SSBP2: variants seen among roughly 807,000 people sequenced by gnomAD.
SSBP2 encodes single stranded DNA binding protein 2, also known as single-stranded DNA-binding protein 2.
In SSBP2, 17 loss-of-function variants were observed where a neutral mutation model predicts 61.8. The ratio of observed to expected loss-of-function variants is 0.28; its 90% CI spans 0.19 to 0.41. SSBP2 has a LOEUF of 0.41. SSBP2 is among the 10% of genes least tolerant of loss of function. The probability of loss-of-function intolerance (pLI) is 1.00; values close to 1 mark genes in which losing one functional copy is unlikely to be tolerated. For synonymous variants in SSBP2, 139 were observed against 141.3 expected (o/e 0.98, Z 0.12); for missense variants, 310 against 458.7 (o/e 0.68, Z 2.96).
At position 81,413,280 on chromosome 5, in the gene SSBP2, T is replaced by C. The variant is rs1236523207; in HGVS notation, c.*7224A>G. On this transcript the variant is annotated 3_prime_UTR_variant, in exon 17 of 17. Transcript: ENST00000320672. ...ATCCATTTGAGAATAAATGCAGTAA[T>C]GTGCACATGCACGCACACACACATA... 1.3e-5 allele frequency: 2 copies of C among 152,236 alleles called. No homozygotes were observed. Among genetic ancestry groups the C allele is most frequent in the Non-Finnish European group, 2.9e-5 (2 of 68,034 alleles). The allele number at this position is 152,236 out of a possible 1,614,324, so 9.4% of individuals were successfully genotyped here.
intron 6 of SSBP2, among the ~76,000 whole-genome samples, chr5:81,480,220 C>G (rs1312607511): frequency 4.6e-5 from 7 of 152,192 alleles, no homozygotes; most frequent in Non-Finnish European, 7.4e-5. Context: ...TGCATCATAA[C>G]TTCAATGGCA....
At chr5:81,541,114 A>T (rs1419513726) in intron 4 of SSBP2, among the ~76,000 whole-genome samples, 2 of 152,142 alleles carry the variant, frequency 1.3e-5, no homozygotes, top group African/African-American at 4.8e-5. Context: ...GCATTTCTAT[A>T]TACTAATCAT....
At chr5:81,452,506 C>T (rs1214714037) in intron 10 of SSBP2, among the ~76,000 whole-genome samples, 1 of 152,088 alleles carries the variant, frequency 6.6e-6, no homozygotes, top group Non-Finnish European at 1.5e-5. Flanking sequence ...GGAAAAAAAT[C>T]CTGGCAAGAG....
At chr5:81,698,535 C>T (rs1286488021) in intron 1 of SSBP2, among the ~76,000 whole-genome samples, 5 of 152,136 alleles carry the variant, frequency 3.3e-5, no homozygotes, top group South Asian at 2.1e-4. Context: ...ATGTAGGCCA[C>T]GTGCGGTGGC....
At chr5:81,626,866 A>AT (rs1198239605) in intron 3 of SSBP2, among the ~76,000 whole-genome samples, 2 of 152,220 alleles carry the variant, frequency 1.3e-5, no homozygotes, top group African/African-American at 4.8e-5. Context: ...GAGCTCTGTG[A>AT]TTAAGAAATA....
chr5:81,499,415 C>T (rs561925563), intron 5 of SSBP2, among the ~76,000 whole-genome samples: 13 of 152,268 alleles, frequency 8.5e-5, no homozygotes, highest in African/African-American at 2.6e-4. Context: ...GTCTTCATTA[C>T]CAGGTACTCA....
intron 15 of SSBP2, among the ~76,000 whole-genome samples, chr5:81,434,805 G>A (rs1762573111): frequency 6.6e-6 from 1 of 152,112 alleles, no homozygotes; most frequent in African/African-American, 2.4e-5. Context: ...AGCTGAACAT[G>A]TGTTGGAAAA....
intron 1 of SSBP2, among the ~76,000 whole-genome samples, chr5:81,714,307 T>G (rs182350719): frequency 6.6e-6 from 1 of 152,218 alleles, no homozygotes; most frequent in Non-Finnish European, 1.5e-5. Flanking sequence ...CAGTCTATCA[T>G]TGATGGGCAT....
intron 5 of SSBP2, among the ~76,000 whole-genome samples, chr5:81,505,033 C>T (rs1413858290): frequency 1.3e-5 from 2 of 152,234 alleles, no homozygotes; most frequent in Non-Finnish European, 1.5e-5. Flanking sequence ...CACAGAACCC[C>T]CTTAGAGAAA....
rs528385553 is a variant in SSBP2 at position 81,561,113 on chromosome 5, T to TA, written c.283-47397dup. Among the ~76,000 whole-genome samples, 324 of 152,240 alleles carry TA rather than the reference T, an allele frequency of 2.1e-3. 2 individuals carry two copies. The highest frequency in any genetic ancestry group is 7.5e-3 in the African/African-American group (312 of 41,554). ...TTTCTCATTTACTTGAATGAATGTC[T>TA]AAAAAAACTAGAGTAAACTATCACA... On this transcript the variant is annotated intron_variant, in intron 4 of 16. Transcript: ENST00000320672.
chr5:81,751,024 T>C lies in SSBP2; in HGVS notation c.19A>G (p.Ser7Gly), dbSNP rs1278836545. The change falls in exon 1 of 17, where the codon AGT (serine) becomes GGT (glycine). Residue 7 changes from serine to glycine, a missense_variant. By Grantham distance (56) the Ser-to-Gly change is moderately conservative (BLOSUM62 0). Transcript: ENST00000320672. ...TCGGACGGGACGGCGCTGCTGTTAC[T>C]CTTGCCTTTGCCGTACATGCTTGTG... 1 of 1,599,406 alleles carries C rather than the reference T, an allele frequency of 6.3e-7. No individual in the cohort carries two copies. The highest frequency in any genetic ancestry group is 8.5e-7 in the Non-Finnish European group (1 of 1,173,148).
chr5:81,552,386 C>T (rs913318515), intron 4 of SSBP2, among the ~76,000 whole-genome samples: 1 of 152,040 alleles, frequency 6.6e-6, no homozygotes, highest in Non-Finnish European at 1.5e-5. Context: ...GTCTGGTGAT[C>T]CCAAAATTTT....
intron 4 of SSBP2, among the ~76,000 whole-genome samples, chr5:81,549,585 A>T (rs1040187579): frequency 4.6e-5 from 7 of 152,172 alleles, no homozygotes; most frequent in African/African-American, 1.7e-4. Flanking sequence ...TGGAAAGAAC[A>T]GTGTACCTCA....
intron 4 of SSBP2, among the ~76,000 whole-genome samples, chr5:81,587,265 C>T (rs896509743): frequency 1.3e-5 from 2 of 152,098 alleles, no homozygotes; most frequent in South Asian, 2.1e-4. Context: ...TTTCATCCTT[C>T]GTACAAGTAA....
intron 4 of SSBP2, among the ~76,000 whole-genome samples, chr5:81,598,997 G>A (rs1261045242): frequency 6.6e-6 from 1 of 152,126 alleles, no homozygotes; most frequent in Non-Finnish European, 1.5e-5. Context: ...CTTTAGTGCA[G>A]TATGAAGCAA....
At chr5:81,486,048 T>C (rs1328598172) in intron 6 of SSBP2, among the ~76,000 whole-genome samples, 1 of 152,188 alleles carries the variant, frequency 6.6e-6, no homozygotes, top group African/African-American at 2.4e-5. Context: ...TTTGAATTAA[T>C]GAAGCTTAAC....
chr5:81,679,956 GAAAA>G (rs35949448), intron 1 of SSBP2, among the ~76,000 whole-genome samples: 1 of 137,848 alleles, frequency 7.3e-6, no homozygotes, highest in Non-Finnish European at 1.6e-5. Flanking sequence ...TAAAAAGGTG[GAAAA>G]AAAAAAAAAA....
intron 4 of SSBP2, among the ~76,000 whole-genome samples, chr5:81,538,455 G>C (rs1403554007): frequency 6.6e-6 from 1 of 152,214 alleles, no homozygotes; most frequent in Non-Finnish European, 1.5e-5. Flanking sequence ...GCTGCACCAA[G>C]TTATCCAGAA....
At chr5:81,642,809 C>A (rs1748908372) in intron 2 of SSBP2, among the ~76,000 whole-genome samples, 1 of 151,992 alleles carries the variant, frequency 6.6e-6, no homozygotes, top group Non-Finnish European at 1.5e-5. Context: ...CAAAATCTAA[C>A]AAGTGAAACA....
Sources: allele counts gnomAD v4.1 joint callset (sites outside exome capture counted in the v4.1 genomes callset), GRCh38; gene constraint gnomAD v4.1.1; transcripts MANE v1.5; gene names NCBI Gene and HGNC (gene_info 2026-07-23, HGNC 2026-07-21).